Variants in ASIC2 observed in about 807,000 individuals in gnomAD.
ASIC2 encodes acid sensing ion channel subunit 2.
Under a neutral mutation model 57.3 loss-of-function variants are expected in ASIC2, and 25 were observed. That is an observed-to-expected ratio of 0.44 (90% confidence interval 0.32 to 0.61). The LOEUF (loss-of-function observed/expected upper bound fraction) is 0.61, where lower values mean the gene tolerates loss of function less well. Ranked by LOEUF, ASIC2 falls within the 20% of genes least tolerant of loss-of-function variation. The pLI is 0.06. For synonymous variants in ASIC2, 319 were observed against 307.5 expected (o/e 1.04, Z -0.39); for missense variants, 641 against 738.1 (o/e 0.87, Z 1.52).
chr17:34,106,798 C>A (rs1024773108), intron 1 of ASIC2, among the ~76,000 whole-genome samples: 17 of 152,076 alleles, frequency 1.1e-4, no homozygotes, highest in Non-Finnish European at 2.9e-5. Flanking sequence ...GTGAGATATT[C>A]CAGGTTCATC....
chr17:33,053,462 C>T (rs2091985626), intron 3 of ASIC2, among the ~76,000 whole-genome samples: 1 of 152,176 alleles, frequency 6.6e-6, no homozygotes, highest in South Asian at 2.1e-4. Context: ...CTCCCTTAGC[C>T]TCCACTGGAG....
intron 1 of ASIC2, among the ~76,000 whole-genome samples, chr17:33,887,554 A>G (rs1286188893): frequency 6.6e-6 from 1 of 152,208 alleles, no homozygotes; most frequent in Non-Finnish European, 1.5e-5. Flanking sequence ...ACTGAGGCAG[A>G]AAAGCAATAC....
At chr17:33,413,567 C>T (rs1276461724) in intron 1 of ASIC2, among the ~76,000 whole-genome samples, 1 of 152,250 alleles carries the variant, frequency 6.6e-6, no homozygotes, top group Admixed American at 6.5e-5. Flanking sequence ...AACAAGGCCT[C>T]GCCTAGGCCC....
intron 1 of ASIC2, chr17:33,291,181 A>C: frequency 2.3e-6 from 2 of 873,220 alleles, no homozygotes; most frequent in Non-Finnish European, 3.2e-6. Context: ...GGGCTGGGAC[A>C]GGGGAGCTCC....
intron 1 of ASIC2, among the ~76,000 whole-genome samples, chr17:33,915,590 G>A (rs1915566055): frequency 6.6e-6 from 1 of 152,040 alleles, no homozygotes; most frequent in African/African-American, 2.4e-5. Context: ...GCATCTATTG[G>A]CTCTTAATCA....
chr17:33,578,542 G>T, intron 1 of ASIC2, among the ~76,000 whole-genome samples: 1 of 152,164 alleles, frequency 6.6e-6, no homozygotes, highest in East Asian at 1.9e-4. Context: ...AAATGGCTAA[G>T]GGACACCAAG....
chr17:33,409,576 C>T (rs1435395493), intron 1 of ASIC2, among the ~76,000 whole-genome samples: 1 of 152,216 alleles, frequency 6.6e-6, no homozygotes, highest in African/African-American at 2.4e-5. Flanking sequence ...TCTCTTATTC[C>T]CTCACCCCTC....
chr17:33,603,585 C>G (rs1453061278), intron 1 of ASIC2, among the ~76,000 whole-genome samples: 1 of 152,160 alleles, frequency 6.6e-6, no homozygotes, highest in African/African-American at 2.4e-5. Flanking sequence ...TGAGGCCACT[C>G]ACCTGTTTAA....
intron 1 of ASIC2, among the ~76,000 whole-genome samples, chr17:33,422,974 G>A (rs1911097250): frequency 6.6e-6 from 1 of 152,144 alleles, no homozygotes; most frequent in East Asian, 1.9e-4. Flanking sequence ...GGTCATTAGA[G>A]TGCCGCACAG....
chr17:33,716,184 C>T (rs2142080046), intron 1 of ASIC2, among the ~76,000 whole-genome samples: 1 of 152,326 alleles, frequency 6.6e-6, no homozygotes, highest in Non-Finnish European at 1.5e-5. Flanking sequence ...TTCATCCTGA[C>T]ACCCCACTGT....
chr17:33,041,936 A>G (rs1487028842), intron 3 of ASIC2, among the ~76,000 whole-genome samples: 1 of 152,086 alleles, frequency 6.6e-6, no homozygotes, highest in Non-Finnish European at 1.5e-5. Context: ...CCCTGTTTCT[A>G]ACCTTGTGCC....
rs35792828 is a variant in ASIC2, at chr17:33,917,963, GCACACA to G, written c.555+238009_555+238014del. ...ATTCATTCCACACACACGTGCATGT[GCACACA>G]CACACACACACACACACAGGTACTG... On this transcript the variant is annotated intron_variant, in intron 1 of 9. Transcript: ENST00000359872. Among the ~76,000 whole-genome samples, 11 of 138,520 alleles carry G rather than the reference GCACACA, an allele frequency of 7.9e-5. 1 individual carries two copies. Among genetic ancestry groups the G allele is most frequent in the Admixed American group, 3.6e-4 (5 of 14,046 alleles). The allele number at this position is 138,520 out of a possible 152,430, so 90.9% of individuals were successfully genotyped here.
intron 1 of ASIC2, among the ~76,000 whole-genome samples, chr17:33,978,703 T>C (rs1481886531): frequency 6.6e-6 from 1 of 152,140 alleles, no homozygotes; most frequent in East Asian, 1.9e-4. Context: ...AGGGTGACTC[T>C]GGCCCTCTGT....
chr17:33,272,568 C>T (rs993897584), intron 1 of ASIC2, among the ~76,000 whole-genome samples: 9 of 152,124 alleles, frequency 5.9e-5, no homozygotes, highest in African/African-American at 2.2e-4. Context: ...TGAGCCCTGC[C>T]CTGCACATGG....
chr17:34,068,967 G>A (rs1909277730), intron 1 of ASIC2, among the ~76,000 whole-genome samples: 1 of 152,192 alleles, frequency 6.6e-6, no homozygotes, highest in African/African-American at 2.4e-5. Flanking sequence ...AAAGCAATGA[G>A]TGACAAACCC....
At chr17:34,120,670 T>TTA (rs895222199) in intron 1 of ASIC2, among the ~76,000 whole-genome samples, 9 of 149,608 alleles carry the variant, frequency 6.0e-5, no homozygotes, top group African/African-American at 7.4e-5. Context: ...TAAGACAAGG[T>TTA]TATACTAGAT....
intron 1 of ASIC2, among the ~76,000 whole-genome samples, chr17:33,858,576 G>A (rs1004682359): frequency 7.2e-5 from 11 of 152,206 alleles, no homozygotes; most frequent in African/African-American, 2.7e-4. Context: ...GAGCAGTCAG[G>A]AGCCGCCAGC....
chr17:33,938,495 A>C (rs902963767), intron 1 of ASIC2, among the ~76,000 whole-genome samples: 1 of 152,174 alleles, frequency 6.6e-6, no homozygotes, highest in Admixed American at 6.5e-5. Context: ...ATAATATCTG[A>C]GATTTATAAA....
intron 1 of ASIC2, among the ~76,000 whole-genome samples, chr17:33,801,558 A>T (rs1299928939): frequency 6.6e-6 from 1 of 152,106 alleles, no homozygotes; most frequent in African/African-American, 2.4e-5. Context: ...TTTAAGCTTC[A>T]ATCCTCTTCA....
Sources: allele counts gnomAD v4.1 joint callset (sites outside exome capture counted in the v4.1 genomes callset), GRCh38; gene constraint gnomAD v4.1.1; transcripts MANE v1.5; gene names NCBI Gene and HGNC (gene_info 2026-07-23, HGNC 2026-07-21).